RNLS: variants seen among roughly 807,000 people sequenced by gnomAD.
The protein encoded by RNLS is renalase, FAD dependent amine oxidase.
RNLS carries 39 observed loss-of-function variants against 39.8 expected under a neutral mutation model. That is an observed-to-expected ratio of 0.98 (90% CI 0.76 to 1.28). The LOEUF (loss-of-function observed/expected upper bound fraction) is 1.28. RNLS is among the 50% of genes most tolerant of loss of function. The pLI is 0.00. For missense variants in RNLS, 410 were observed against 413.3 expected, an observed-to-expected ratio of 0.99 and a Z score of 0.07; for synonymous variants, 147 against 150.7, an observed-to-expected ratio of 0.98 and a Z score of 0.18.
At chr10:88,302,116 A>G (rs1415725009) in intron 6 of RNLS, among the ~76,000 whole-genome samples, 1 of 152,196 alleles carries the variant, frequency 6.6e-6, no homozygotes, top group East Asian at 1.9e-4. Flanking sequence ...AGTTGTTACC[A>G]TTTACAGATG....
intron 4 of RNLS, among the ~76,000 whole-genome samples, chr10:88,550,734 A>C (rs763744080): frequency 4.6e-5 from 7 of 152,224 alleles, no homozygotes; most frequent in Admixed American, 6.5e-5. Context: ...TGATATCTAC[A>C]TCCTATGAAT....
At chr10:88,446,079 G>A (rs1043173520) in intron 4 of RNLS, among the ~76,000 whole-genome samples, 1 of 152,154 alleles carries the variant, frequency 6.6e-6, no homozygotes, top group Non-Finnish European at 1.5e-5. Context: ...GCACTCCTCA[G>A]CAGATGTAAA....
chr10:88,223,689 T>G, the RNLS span, among the ~76,000 whole-genome samples: 1 of 152,278 alleles, frequency 6.6e-6, no homozygotes, highest in East Asian at 1.9e-4. Context: ...TAGAGATAGA[T>G]TTGTGAGGGA....
At chr10:88,431,147 T>C (rs1478902709) in intron 4 of RNLS, among the ~76,000 whole-genome samples, 1 of 151,736 alleles carries the variant, frequency 6.6e-6, no homozygotes, top group African/African-American at 2.4e-5. Context: ...TTCAATTTCT[T>C]TAGTAGGTCT....
chr10:88,254,883 A>G, the RNLS span, among the ~76,000 whole-genome samples: 1 of 152,254 alleles, frequency 6.6e-6, no homozygotes, highest in African/African-American at 2.4e-5. Flanking sequence ...GTGTCATCAC[A>G]GAAGTGGGAT....
the RNLS span, among the ~76,000 whole-genome samples, chr10:88,260,035 C>T: frequency 6.6e-6 from 1 of 152,058 alleles, no homozygotes; most frequent in Non-Finnish European, 1.5e-5. Flanking sequence ...CCACAGCACC[C>T]GGCCAAAGAT....
intron 4 of RNLS, among the ~76,000 whole-genome samples, chr10:88,556,080 T>G (rs1848858730): frequency 6.6e-6 from 1 of 152,156 alleles, no homozygotes; most frequent in African/African-American, 2.4e-5. Flanking sequence ...TTTCTCTTCT[T>G]GATTCCCAGT....
At chr10:88,562,611 T>C (rs1849260245) in intron 4 of RNLS, among the ~76,000 whole-genome samples, 1 of 152,164 alleles carries the variant, frequency 6.6e-6, no homozygotes, top group Non-Finnish European at 1.5e-5. Context: ...TTGGGCATTC[T>C]ATGAATAGAC....
chr10:88,233,627 G>A, the RNLS span, among the ~76,000 whole-genome samples: 5 of 152,262 alleles, frequency 3.3e-5, no homozygotes, highest in African/African-American at 1.2e-4. Flanking sequence ...AAGATTATGC[G>A]TTATTTATCT....
At chr10:88,277,357 T>A (rs890066638) in intron 6 of RNLS, among the ~76,000 whole-genome samples, 3 of 152,038 alleles carry the variant, frequency 2.0e-5, no homozygotes, top group African/African-American at 7.2e-5. Flanking sequence ...AGGGATAGCA[T>A]TGGGAGAAAT....
intron 4 of RNLS, among the ~76,000 whole-genome samples, chr10:88,520,013 A>G (rs1846635880): frequency 6.6e-6 from 1 of 151,938 alleles, no homozygotes; most frequent in Non-Finnish European, 1.5e-5. Flanking sequence ...GAAGACCTAA[A>G]GTTGCTCTGG....
intron 5 of RNLS, among the ~76,000 whole-genome samples, chr10:88,324,427 CAA>C (rs57362184): frequency 7.6e-5 from 6 of 78,628 alleles, no homozygotes; most frequent in Admixed American, 1.4e-4. Flanking sequence ...GTGTCCTTTG[CAA>C]AAAAAAAAAA....
At chr10:88,176,492 C>T in the RNLS span, among the ~76,000 whole-genome samples, 4 of 152,066 alleles carry the variant, frequency 2.6e-5, no homozygotes, top group Admixed American at 6.6e-5. Context: ...TTATAGTTAG[C>T]GAATTTAATT....
rs765347248 is a variant in RNLS at position 88,582,209 on chromosome 10, G to GT, written c.216dup (p.His73ThrfsTer6). ...TCCTTGCAACTAACTCACCGTTGGT[G>GT]TTTTTTGGCATAATGAGGAGTGCAG... On this transcript the variant is annotated frameshift_variant, in exon 2 of 7. Transcript: ENST00000331772. LOFTEE classifies it high-confidence loss of function. 6.8e-6 allele frequency: 11 copies of GT among 1,612,734 alleles called. No individual in the cohort carries two copies. In the African/African-American group the frequency reaches 8.0e-5, roughly 12 times the overall value.
chr10:88,237,090 G>A, the RNLS span, among the ~76,000 whole-genome samples: 1 of 151,978 alleles, frequency 6.6e-6, no homozygotes, highest in Non-Finnish European at 1.5e-5. Context: ...GTCTTATGAA[G>A]GAAACGTCTT....
chr10:88,462,825 A>AG (rs1461913312), intron 4 of RNLS, among the ~76,000 whole-genome samples: 1 of 130,356 alleles, frequency 7.7e-6, no homozygotes, highest in African/African-American at 3.6e-5. Flanking sequence ...TGTCCTGCTA[A>AG]GGAAAAAAAA....
chr10:88,419,779 C>A (rs1854278358), intron 4 of RNLS, among the ~76,000 whole-genome samples: 1 of 151,874 alleles, frequency 6.6e-6, no homozygotes, highest in South Asian at 2.1e-4. Flanking sequence ...CCGAGGCGGG[C>A]GGATCACCTG....
At chr10:88,541,329 C>A (rs1848031108) in intron 4 of RNLS, among the ~76,000 whole-genome samples, 1 of 152,164 alleles carries the variant, frequency 6.6e-6, no homozygotes, top group South Asian at 2.1e-4. Context: ...CTATGTAAGT[C>A]ATTTACTTCA....
chr10:88,249,275 C>G, the RNLS span, among the ~76,000 whole-genome samples: 2 of 152,320 alleles, frequency 1.3e-5, no homozygotes, highest in Non-Finnish European at 2.9e-5. Flanking sequence ...TGAGCCTCAT[C>G]AATACCAAAT....
Sources: gnomAD v4.1 joint callset for allele counts (sites outside exome capture counted in the v4.1 genomes callset) on GRCh38, gnomAD v4.1.1 for gene constraint, MANE v1.5 for transcripts, NCBI Gene and HGNC (gene_info 2026-07-23, HGNC 2026-07-21) for gene names.